DENND5A: variants seen among roughly 807,000 people sequenced by gnomAD.
The protein encoded by DENND5A is DENN domain containing 5A.
Under a neutral mutation model 140.3 loss-of-function variants are expected in DENND5A, and 64 were observed. The ratio of observed to expected loss-of-function variants is 0.46; its 90% CI spans 0.37 to 0.56. The LOEUF is 0.56. DENND5A is among the 20% of genes least tolerant of loss of function. DENND5A has a pLI of 0.00. For missense variants in DENND5A, 1,292 were observed against 1,593.8 expected (o/e 0.81, Z 3.22); for synonymous variants, 605 against 607.7 (o/e 1.00, Z 0.07).
At chr11:9,257,920 G>A (rs964057588) in intron 1 of DENND5A, among the ~76,000 whole-genome samples, 2 of 151,706 alleles carry the variant, frequency 1.3e-5, no homozygotes, top group Admixed American at 6.6e-5. Context: ...AGCCTCCCGA[G>A]TAGCTGGGAT....
rs573459079 is a variant in DENND5A, at chr11:9,194,971, C to T, written c.950-1290G>A. Among the ~76,000 whole-genome samples the T allele has an allele frequency of 9.3e-5, 14 of 151,300 alleles. 1 individual carries two copies. In the South Asian group the frequency reaches 2.7e-3, roughly 30 times the overall value. On this transcript the variant is annotated intron_variant, in intron 4 of 22. Coordinates refer to ENST00000328194, the MANE Select transcript of DENND5A (RefSeq NM_015213.4). ...TAACCTTGTGATCCACCCGCCTCAG[C>T]CTCCCAAAGTGCTGGGATTACAGGT...
chr11:9,246,521 A>C (rs1346713023), intron 1 of DENND5A, among the ~76,000 whole-genome samples: 1 of 151,102 alleles, frequency 6.6e-6, no homozygotes, highest in Non-Finnish European at 1.5e-5. Flanking sequence ...CTGAGGCAGG[A>C]GAATCACTTG....
chr11:9,160,543 A>G (rs1181308913), intron 12 of DENND5A, among the ~76,000 whole-genome samples, 170 bp downstream of exon 12: 3 of 152,258 alleles, frequency 2.0e-5, no homozygotes, highest in Non-Finnish European at 4.4e-5. Flanking sequence ...CCTATCTTTA[A>G]GGAAAATAGT....
At chr11:9,192,523 G>A (rs1849167483) in intron 5 of DENND5A, among the ~76,000 whole-genome samples, 1 of 151,976 alleles carries the variant, frequency 6.6e-6, no homozygotes. Context: ...AGCTACTTGG[G>A]AGACTGAAGC....
chr11:9,189,458 T>G (rs1475989821), intron 5 of DENND5A, among the ~76,000 whole-genome samples: 1 of 151,988 alleles, frequency 6.6e-6, no homozygotes, highest in Non-Finnish European at 1.5e-5. Context: ...CCCAGAATGG[T>G]AGATCCACTG....
In DENND5A at chr11:9,141,795, A is replaced by T. The variant is rs1229934839; in HGVS notation, c.3680+145T>A. 7 of 625,396 alleles carry T rather than the reference A, an allele frequency of 1.1e-5. No individual in the cohort carries two copies. In the African/African-American group the frequency reaches 1.1e-4, roughly 10 times the overall value. The allele number at this position is 625,396 out of a possible 1,614,324, so 38.7% of individuals were successfully genotyped here. On this transcript the variant is annotated intron_variant, in intron 22 of 22. Transcript: ENST00000328194. Reference sequence around the variant, plus strand: ...GTGACCATACACGATACACAGAGGAAATTCAGGGCTTCTAGGAAACCTTCT... The same window carrying T: ...GTGACCATACACGATACACAGAGGATATTCAGGGCTTCTAGGAAACCTTCT...
intron 4 of DENND5A, among the ~76,000 whole-genome samples, chr11:9,200,247 C>T (rs1849478653): frequency 6.6e-6 from 1 of 152,184 alleles, no homozygotes; most frequent in Non-Finnish European, 1.5e-5. Flanking sequence ...GTTTGGTTTC[C>T]TCCTCTCTGT....
intron 10 of DENND5A, among the ~76,000 whole-genome samples, chr11:9,168,996 A>G (rs957275538): frequency 1.3e-5 from 2 of 152,206 alleles, no homozygotes; most frequent in African/African-American, 4.8e-5. Context: ...CAAGCAATGA[A>G]GATTCAGGAG....
intron 5 of DENND5A, among the ~76,000 whole-genome samples, chr11:9,187,945 C>T (rs1242193010): frequency 6.6e-6 from 1 of 152,208 alleles, no homozygotes; most frequent in Non-Finnish European, 1.5e-5. Flanking sequence ...CTCTCTGTCC[C>T]TCTGGAGAAA....
chr11:9,203,797 C>A lies in DENND5A; in HGVS notation c.812G>T (p.Cys271Phe). 1 of 1,614,168 alleles carries A rather than the reference C, an allele frequency of 6.2e-7. No individual in the cohort carries two copies. The highest frequency in any genetic ancestry group is 8.5e-7 in the Non-Finnish European group (1 of 1,180,030). ...KFSGVYGPII[C>F]QRPSTNELPL... Reference sequence around the variant, plus strand: ...AAGCTCATTGGTACTTGGTCTCTGGCAGATTATTGGCCCATAGACCCCAGA... The same window carrying A: ...AAGCTCATTGGTACTTGGTCTCTGGAAGATTATTGGCCCATAGACCCCAGA... The change falls in exon 4 of 23, where the codon TGC (cysteine) becomes TTC (phenylalanine). Residue 271 changes from cysteine (C) to phenylalanine (F), a missense_variant. Cys to Phe is a radical substitution (Grantham distance 205). Around this residue, in one of 4 missense-constraint regions of DENND5A, gnomAD observed 566 missense variants for 650.4 expected, o/e 0.87. Coordinates refer to ENST00000328194, the MANE Select transcript of DENND5A (RefSeq NM_015213.4).
chr11:9,141,480 T>TAGGCTCTAGGTAG (rs546653677), intron 22 of DENND5A, among the ~76,000 whole-genome samples: 172 of 152,348 alleles, frequency 1.1e-3, no homozygotes, highest in Admixed American at 2.2e-3. Context: ...ACTATATGTC[T>TAGGCTCTAGGTAG]AGCCTGTTGC....
At chr11:9,212,168 T>C (rs1196874376) in intron 1 of DENND5A, among the ~76,000 whole-genome samples, 2 of 152,010 alleles carry the variant, frequency 1.3e-5, no homozygotes, top group Non-Finnish European at 2.9e-5. Context: ...AGAGGACTGC[T>C]TGAGGCCAGG....
chr11:9,161,200 T>C (rs183225825), intron 11 of DENND5A, among the ~76,000 whole-genome samples: 2 of 152,186 alleles, frequency 1.3e-5, no homozygotes, highest in Admixed American at 1.3e-4. Flanking sequence ...ACAAAAAAAT[T>C]AGCCAGGTGT....
rs188340575 is a variant in DENND5A at position 9,246,339 on chromosome 11, G to C, written c.109+18622C>G. On this transcript the variant is annotated intron_variant, in intron 1 of 22. Coordinates refer to ENST00000328194, the MANE Select transcript of DENND5A (RefSeq NM_015213.4). ...TAGATAAAAGGATGTAGGGCCAGGT[G>C]GGGTGGCTCATGCCTGTAATCCCAG... Among the ~76,000 whole-genome samples the C allele has an allele frequency of 3.9e-4, 59 of 152,206 alleles. 2 individuals are homozygous for C. In the East Asian group the frequency reaches 8.3e-3, roughly 21 times the overall value.
At chr11:9,210,342 T>C (rs1402350540) in intron 1 of DENND5A, among the ~76,000 whole-genome samples, 1 of 152,202 alleles carries the variant, frequency 6.6e-6, no homozygotes, top group Non-Finnish European at 1.5e-5. Context: ...CAGATCCAGA[T>C]ATAAGATCTA....
intron 16 of DENND5A, 160 bp downstream of exon 16, chr11:9,146,870 C>A: frequency 1.3e-6 from 1 of 759,174 alleles, no homozygotes. Context: ...AACACAGCCT[C>A]CAAGGAGGGC....
intron 1 of DENND5A, among the ~76,000 whole-genome samples, chr11:9,235,856 A>G (rs759862767): frequency 6.6e-6 from 1 of 152,138 alleles, no homozygotes; most frequent in African/African-American, 2.4e-5. Context: ...TGAGTGCAGC[A>G]TTTTCTTTTG....
intron 1 of DENND5A, among the ~76,000 whole-genome samples, chr11:9,226,243 G>A (rs1850524244): frequency 6.6e-6 from 1 of 152,082 alleles, no homozygotes; most frequent in Non-Finnish European, 1.5e-5. Context: ...GTCTTCTTGT[G>A]GTAATTCTAT....
chr11:9,252,316 A>G (rs1851762435), intron 1 of DENND5A, among the ~76,000 whole-genome samples: 1 of 139,366 alleles, frequency 7.2e-6, no homozygotes, highest in Non-Finnish European at 1.6e-5. Context: ...AAAAAAAAAG[A>G]ACTAAATATA....
Sources: allele counts gnomAD v4.1 joint callset (sites outside exome capture counted in the v4.1 genomes callset), GRCh38; gene constraint gnomAD v4.1.1; regional missense constraint gnomAD v4.1.1; transcripts MANE v1.5; gene names NCBI Gene and HGNC (gene_info 2026-07-23, HGNC 2026-07-21).